Variants in GRIA2 observed in about 807,000 individuals in gnomAD.
GRIA2 encodes glutamate ionotropic receptor AMPA type subunit 2.
GRIA2 carries 14 observed loss-of-function variants against 97.3 expected under a neutral mutation model. That is an observed-to-expected ratio of 0.14 (90% CI 0.10 to 0.23). GRIA2 has a LOEUF of 0.23. GRIA2 is among the 10% of genes least tolerant of loss of function. The pLI, the probability that GRIA2 is intolerant of heterozygous loss-of-function variation, is 1.00. For synonymous variants in GRIA2, 412 were observed against 387.8 expected (o/e 1.06, Z -0.73); for missense variants, 558 against 1,069.8 (o/e 0.52, Z 6.67).
chr4:157,345,373 G>T (rs1735723108), intron 12 of GRIA2, among the ~76,000 whole-genome samples: 1 of 151,824 alleles, frequency 6.6e-6, no homozygotes, highest in Admixed American at 6.6e-5. Context: ...GCACATCCTT[G>T]TACAGAGTGA....
At chr4:157,226,338 A>C (rs1729745576) in intron 2 of GRIA2, among the ~76,000 whole-genome samples, 1 of 152,084 alleles carries the variant, frequency 6.6e-6, no homozygotes, top group Non-Finnish European at 1.5e-5. Context: ...AAATTGAAAA[A>C]AATAAATGAC....
rs772913608 is a variant in GRIA2 at position 157,315,786 on chromosome 4, G to C, written c.667-1872G>C. 3.9e-5 allele frequency among the ~76,000 whole-genome samples: 6 copies of C among 152,126 alleles called. No homozygotes were observed. In the East Asian group the frequency reaches 9.6e-4, roughly 24 times the overall value. On this transcript the variant is annotated intron_variant, in intron 4 of 15. Coordinates refer to ENST00000264426, the MANE Select transcript of GRIA2 (RefSeq NM_001083619.3). ...GAACTCCTGACCTCATGATCTGCCC[G>C]CCTTGGCCTCCCAAAGTGCTGGGAT...
intron 2 of GRIA2, among the ~76,000 whole-genome samples, chr4:157,230,910 G>A (rs752411503): frequency 1.3e-5 from 2 of 152,090 alleles, no homozygotes; most frequent in Non-Finnish European, 2.9e-5. Context: ...CTGGAGTGCA[G>A]TAGAGCTATC....
Position 157,253,840 on chromosome 4 carries a change from T to A in GRIA2, c.229+32033T>A, listed in dbSNP as rs150092122. ...TGTTATTATTCTGTTTACCCCCACT[T>A]TCAGGTAGAACCAAAATTTATCTTA... On this transcript the variant is annotated intron_variant, in intron 2 of 15. Coordinates refer to ENST00000264426, the MANE Select transcript of GRIA2 (RefSeq NM_001083619.3). 2.0e-3 allele frequency among the ~76,000 whole-genome samples: 297 copies of A among 152,164 alleles called. 2 individuals carry two copies. The highest frequency in any genetic ancestry group is 6.5e-3 in the African/African-American group (270 of 41,546).
intron 2 of GRIA2, among the ~76,000 whole-genome samples, chr4:157,292,059 G>T (rs907180032): frequency 3.3e-5 from 5 of 151,914 alleles, no homozygotes; most frequent in African/African-American, 1.2e-4. Context: ...ATAGTGATTG[G>T]CTATAATGTG....
At chr4:157,255,109 A>G (rs1382425235) in intron 2 of GRIA2, among the ~76,000 whole-genome samples, 4 of 151,960 alleles carry the variant, frequency 2.6e-5, no homozygotes, top group Admixed American at 2.6e-4. Flanking sequence ...CCCGTCTATC[A>G]TTCCACACTC....
chr4:157,299,719 T>C (rs1015955397), intron 2 of GRIA2, among the ~76,000 whole-genome samples: 1 of 152,276 alleles, frequency 6.6e-6, no homozygotes, highest in African/African-American at 2.4e-5. Context: ...ACCCAGGAGA[T>C]TATCATTTCT....
At chr4:157,234,677 G>A (rs749532584) in intron 2 of GRIA2, among the ~76,000 whole-genome samples, 11 of 152,064 alleles carry the variant, frequency 7.2e-5, no homozygotes, top group African/African-American at 9.7e-5. Flanking sequence ...GACTTCTTCC[G>A]TGAGGATCAG....
intron 2 of GRIA2, among the ~76,000 whole-genome samples, chr4:157,250,902 G>T (rs1473487984): frequency 6.6e-6 from 1 of 152,028 alleles, no homozygotes; most frequent in Non-Finnish European, 1.5e-5. Context: ...GTATTAGAGA[G>T]GGTGCTTCCC....
At chr4:157,231,255 T>A (rs1484995794) in intron 2 of GRIA2, among the ~76,000 whole-genome samples, 1 of 152,170 alleles carries the variant, frequency 6.6e-6, no homozygotes, top group Non-Finnish European at 1.5e-5. Context: ...CCTAGGCCGG[T>A]CACGAACTCC....
rs555354957 is a variant in GRIA2, at chr4:157,363,505, G to A, written c.*74G>A. ...ACAGGAAGTACTGGAGAAAATGGAC[G>A]TGTTATGACTCCAGAATTTCCCAAA... On this transcript the variant is annotated 3_prime_UTR_variant, in exon 16 of 16. Transcript: ENST00000264426. 735 of 1,238,300 alleles carry A rather than the reference G, an allele frequency of 5.9e-4. 11 individuals are homozygous for A. Among genetic ancestry groups the A allele is most frequent in the Admixed American group, 1.2e-3 (30 of 25,018 alleles). The allele number at this position is 1,238,300 out of a possible 1,614,324, so 76.7% of individuals were successfully genotyped here.
rs960246570 is a variant in GRIA2 at position 157,314,630 on chromosome 4, A to G, written c.666+1755A>G. Among the ~76,000 whole-genome samples, 3 of 152,212 alleles carry G rather than the reference A, an allele frequency of 2.0e-5. No homozygotes were observed. The East Asian group carries it at 5.8e-4, about 29-fold the overall frequency. On this transcript the variant is annotated intron_variant, in intron 4 of 15. Transcript: ENST00000264426. ...AAAATTTAAGGATTCATGACTCATCATAATAAATGTTAGTGAAAGACTATA... is the reference window on the plus strand; with the variant it reads ...AAAATTTAAGGATTCATGACTCATCGTAATAAATGTTAGTGAAAGACTATA...
intron 2 of GRIA2, among the ~76,000 whole-genome samples, chr4:157,239,952 T>C (rs1044853263): frequency 2.6e-5 from 4 of 152,112 alleles, no homozygotes; most frequent in African/African-American, 9.6e-5. Flanking sequence ...GAGACTTTAT[T>C]CATCTTCCTT....
intron 2 of GRIA2, among the ~76,000 whole-genome samples, chr4:157,252,709 A>G (rs1318838573): frequency 6.6e-6 from 1 of 152,142 alleles, no homozygotes. Flanking sequence ...CACAAGATAG[A>G]CCAGTGGATT....
intron 12 of GRIA2, among the ~76,000 whole-genome samples, chr4:157,352,564 A>C (rs894501350): frequency 1.3e-5 from 2 of 151,904 alleles, no homozygotes; most frequent in Non-Finnish European, 2.9e-5. Flanking sequence ...AAAAATACAA[A>C]AAATAAATAG....
chr4:157,246,156 G>T (rs4473696), intron 2 of GRIA2, among the ~76,000 whole-genome samples: 151,756 of 152,194 alleles, frequency 1, 75,659 homozygotes, highest in Middle Eastern at 1. Context: ...TTCTTCATAT[G>T]GATGACATAC....
Position 157,230,888 on chromosome 4 carries a change from C to G in GRIA2, c.229+9081C>G, listed in dbSNP as rs143247671. ...TATTTCTTAGCGAAAGGGTCTCGCTCTGTTCCCCAGGCTGGAGTGCAGTAG... is the reference window on the plus strand; with the variant it reads ...TATTTCTTAGCGAAAGGGTCTCGCTGTGTTCCCCAGGCTGGAGTGCAGTAG... On this transcript the variant is annotated intron_variant, in intron 2 of 15. Coordinates refer to ENST00000264426, the MANE Select transcript of GRIA2 (RefSeq NM_001083619.3). 8.6e-4 allele frequency among the ~76,000 whole-genome samples: 131 copies of G among 152,106 alleles called. 1 individual carries two copies. In the East Asian group the frequency reaches 0.02, roughly 23 times the overall value.
chr4:157,253,686 C>T (rs369905516), intron 2 of GRIA2, among the ~76,000 whole-genome samples: 120 of 152,148 alleles, frequency 7.9e-4, no homozygotes, highest in African/African-American at 2.9e-3. Flanking sequence ...GGGAAAATTG[C>T]TTCTTTATAG....
intron 2 of GRIA2, among the ~76,000 whole-genome samples, chr4:157,262,239 G>A (rs1436579986): frequency 6.6e-6 from 1 of 151,984 alleles, no homozygotes; most frequent in African/African-American, 2.4e-5. Context: ...GACTTAATAA[G>A]CTTATTATCT....
Sources: allele counts gnomAD v4.1 joint callset (sites outside exome capture counted in the v4.1 genomes callset), GRCh38; gene constraint gnomAD v4.1.1; transcripts MANE v1.5; gene names NCBI Gene and HGNC (gene_info 2026-07-23, HGNC 2026-07-21).